ADGRE3: variants seen among roughly 807,000 people sequenced by gnomAD.
ADGRE3 encodes the protein EGF-like module receptor 3.
A neutral mutation model predicts 80.1 loss-of-function variants in ADGRE3; 88 were observed. That is an observed-to-expected ratio of 1.10 (90% CI 0.93 to 1.31). ADGRE3 has a LOEUF of 1.31. ADGRE3 is among the 40% of genes most tolerant of loss of function. The probability of loss-of-function intolerance (pLI) is 0.00; values close to 1 mark genes in which losing one functional copy is unlikely to be tolerated. For missense variants in ADGRE3, 715 were observed against 776.5 expected (o/e 0.92, Z 0.94); for synonymous variants, 281 against 294.8 (o/e 0.95, Z 0.48).
At chr19:14,614,058 C>T in the ADGRE3 span, among the ~76,000 whole-genome samples, 18 of 152,196 alleles carry the variant, frequency 1.2e-4, no homozygotes, top group East Asian at 5.8e-4. Flanking sequence ...TTCACAGGCA[C>T]GACCCCACTA....
intron 4 of ADGRE3, among the ~76,000 whole-genome samples, chr19:14,661,002 C>T (rs373952454): frequency 3.5e-4 from 44 of 125,178 alleles, no homozygotes; most frequent in African/African-American, 8.9e-4. Context: ...GGTGCAGTGG[C>T]GGGATCTTGT....
chr19:14,608,493 A>C, the ADGRE3 span, among the ~76,000 whole-genome samples: 8 of 152,126 alleles, frequency 5.3e-5, no homozygotes, highest in African/African-American at 1.9e-4. Context: ...TTTTGGTGAC[A>C]GGCTGTCTGG....
chr19:14,672,595 T>C (rs1972285179), intron 1 of ADGRE3, among the ~76,000 whole-genome samples: 1 of 152,170 alleles, frequency 6.6e-6, no homozygotes, highest in East Asian at 1.9e-4. Flanking sequence ...TTTCTTTCTC[T>C]CTTTTTGCCT....
At position 14,644,134 on chromosome 19, in the gene ADGRE3, C is replaced by T. The variant is rs760712152; in HGVS notation, c.1024G>A (p.Ala342Thr). 58 of 1,572,412 alleles carry T rather than the reference C, an allele frequency of 3.7e-5. 2 individuals carry two copies. The highest frequency in any genetic ancestry group is 3.4e-4 in the Middle Eastern group (2 of 5,860). Reference sequence around the variant, plus strand: ...TGGCTGGTCAGGGCCATCAGGACAGCGAAGCTGGACAGGTGACTGCAATTA... The same window carrying T: ...TGGCTGGTCAGGGCCATCAGGACAGTGAAGCTGGACAGGTGACTGCAATTA... ...MCNCSHLSSF[A>T]VLMALTSQEE... Residue 342 changes from alanine to threonine, a missense_variant, in exon 9 of 16, where the codon GCT (alanine) becomes ACT (threonine). Physicochemically the swap from Ala to Thr is moderately conservative, Grantham distance 58. Transcript: ENST00000253673.
chr19:14,640,799 A>G lies in ADGRE3; in HGVS notation c.1248+620T>C, dbSNP rs528318887. On this transcript the variant is annotated intron_variant, in intron 10 of 15. Coordinates refer to ENST00000253673, the MANE Select transcript of ADGRE3 (RefSeq NM_032571.5). ...ATATTGTTCTCGTGGTAGGAAATAAATTTCACGAGATCTGATGGTTTTATC... is the reference window on the plus strand; with the variant it reads ...ATATTGTTCTCGTGGTAGGAAATAAGTTTCACGAGATCTGATGGTTTTATC... 1.3e-4 allele frequency among the ~76,000 whole-genome samples: 20 copies of G among 152,172 alleles called. No individual in the cohort carries two copies. The South Asian group carries it at 3.9e-3, about 30-fold the overall frequency.
chr19:14,600,891 CTTTTTTTTTTTTT>C, the ADGRE3 span, among the ~76,000 whole-genome samples: 8 of 63,218 alleles, frequency 1.3e-4, no homozygotes, highest in African/African-American at 3.1e-4. Context: ...GCTCGGCCTT[CTTTTTTTTTTTTT>C]TTTTTTTTTT....
chr19:14,603,074 A>G, the ADGRE3 span, among the ~76,000 whole-genome samples: 1 of 152,210 alleles, frequency 6.6e-6, no homozygotes, highest in Non-Finnish European at 1.5e-5. Flanking sequence ...GGTAATGTAA[A>G]TGAGGCAGGT....
chr19:14,624,037 G>A (rs550649376), intron 15 of ADGRE3, among the ~76,000 whole-genome samples: 2 of 151,328 alleles, frequency 1.3e-5, no homozygotes, highest in Non-Finnish European at 2.9e-5. Flanking sequence ...GGGCTCAAGC[G>A]ATCCTCCCAT....
intron 11 of ADGRE3, among the ~76,000 whole-genome samples, chr19:14,633,997 G>A (rs1293151618): frequency 6.6e-6 from 1 of 151,822 alleles, no homozygotes; most frequent in Non-Finnish European, 1.5e-5. Context: ...GGCTGGTTTT[G>A]AACTCCAGAC....
rs376172089 is a variant in ADGRE3 at position 14,655,187 on chromosome 19, T to G, written c.394-22A>C. 7.4e-5 allele frequency: 117 copies of G among 1,589,874 alleles called. No homozygotes were observed. In the Middle Eastern group the frequency reaches 1.0e-3, roughly 14 times the overall value. On this transcript the variant is annotated intron_variant, in intron 5 of 15. Transcript: ENST00000253673. Reference sequence around the variant, plus strand: ...GCAGCTTTGAAGACATAAAGAATTTTCATTTTTTAAAAATGTAATCTGGTA... The same window carrying G: ...GCAGCTTTGAAGACATAAAGAATTTGCATTTTTTAAAAATGTAATCTGGTA...
the ADGRE3 span, among the ~76,000 whole-genome samples, chr19:14,614,006 A>G: frequency 6.6e-6 from 1 of 151,962 alleles, no homozygotes; most frequent in Non-Finnish European, 1.5e-5. Context: ...TTTTTAAGAG[A>G]TGGGTTCTCA....
the ADGRE3 span, among the ~76,000 whole-genome samples, chr19:14,603,435 A>G: frequency 6.6e-6 from 1 of 152,140 alleles, no homozygotes; most frequent in Admixed American, 6.6e-5. Context: ...ATAAGGATCC[A>G]ATGAGACAAT....
chr19:14,658,713 A>T (rs978632970), intron 4 of ADGRE3, among the ~76,000 whole-genome samples, 163 bp from the exon 5 acceptor site: 2 of 151,820 alleles, frequency 1.3e-5, no homozygotes, highest in East Asian at 1.9e-4. Flanking sequence ...AAAAATTTTA[A>T]ATTTTATTTA....
In ADGRE3 at chr19:14,652,975, A is replaced by G. The variant is rs1486306986; in HGVS notation, c.578-1771T>C. Among the ~76,000 whole-genome samples the G allele has an allele frequency of 5.9e-5, 9 of 151,576 alleles. No individual in the cohort carries two copies. The Admixed American group carries it at 5.9e-4, about 10-fold the overall frequency. Reference sequence around the variant, plus strand: ...GAAATTCTTGAGCTCAGTGTAAGTGAATTTATTGTTATTATTATTATTTTT... The same window carrying G: ...GAAATTCTTGAGCTCAGTGTAAGTGGATTTATTGTTATTATTATTATTTTT... On this transcript the variant is annotated intron_variant, in intron 6 of 15. Coordinates refer to ENST00000253673, the MANE Select transcript of ADGRE3 (RefSeq NM_032571.5).
intron 2 of ADGRE3, 43 bp downstream of exon 2, chr19:14,668,759 G>A: frequency 6.3e-7 from 1 of 1,583,946 alleles, no homozygotes; most frequent in Non-Finnish European, 8.7e-7. Context: ...TCCAGGTCCA[G>A]CCCTTGGTCC....
chr19:14,646,678 TCCC>T (rs1971411415), intron 8 of ADGRE3, among the ~76,000 whole-genome samples: 1 of 48,830 alleles, frequency 2.0e-5, no homozygotes, highest in Admixed American at 2.4e-4. Flanking sequence ...CCTCCCTCCC[TCCC>T]TCCCTCCCTC....
At chr19:14,629,914 G>T (rs1438776803) in intron 14 of ADGRE3, 125 bp downstream of exon 14, 18 of 546,584 alleles carry the variant, frequency 3.3e-5, no homozygotes, top group Non-Finnish European at 4.7e-5. Flanking sequence ...AAAATAGAGA[G>T]AGTGTTTACA....
At chr19:14,656,550 C>T (rs930750453) in intron 5 of ADGRE3, among the ~76,000 whole-genome samples, 34 of 151,974 alleles carry the variant, frequency 2.2e-4, no homozygotes, top group African/African-American at 8.0e-4. Flanking sequence ...GGGCCAGGTG[C>T]GACATTTACT....
rs1254859756 is a variant in ADGRE3, at chr19:14,644,243, G to C, written c.915C>G (p.Val305=). 1 of 1,580,818 alleles carries C rather than the reference G, an allele frequency of 6.3e-7. No homozygotes were observed. Among genetic ancestry groups the C allele is most frequent in the African/African-American group, 1.4e-5 (1 of 72,910 alleles). Residue 305 remains valine, a synonymous_variant, in exon 9 of 16, where the codon GTC becomes GTG. Transcript: ENST00000253673. ...TGCCCTGCCCTGTGCTCTTCCAGTAGACACAGAAGACCTTTTTGGTACTGG... is the reference window on the plus strand; with the variant it reads ...TGCCCTGCCCTGTGCTCTTCCAGTACACACAGAAGACCTTTTTGGTACTGG... ...MTPSTKKVFC[V]YWKSTGQGSQ...
Sources: allele counts gnomAD v4.1 joint callset (sites outside exome capture counted in the v4.1 genomes callset), GRCh38; gene constraint gnomAD v4.1.1; transcripts MANE v1.5; gene names NCBI Gene and HGNC (gene_info 2026-07-23, HGNC 2026-07-21).